PCDHA11: variants seen among roughly 807,000 people sequenced by gnomAD.
PCDHA11 encodes protocadherin alpha 11, also known as protocadherin alpha-11.
Under a neutral mutation model 70.3 loss-of-function variants are expected in PCDHA11, and 61 were observed. The ratio of observed to expected loss-of-function variants is 0.87; its 90% CI spans 0.71 to 1.07. The LOEUF is 1.07. Ranked by LOEUF, PCDHA11 falls within the 50% of genes least tolerant of loss-of-function variation. PCDHA11 has a pLI of 0.00. For synonymous variants in PCDHA11, 633 were observed against 555.1 expected (o/e 1.14, Z -1.97); for missense variants, 1,324 against 1,237.5 (o/e 1.07, Z -1.05).
At chr5:140,991,214 A>G (rs922136535) in intron 3 of PCDHA11, among the ~76,000 whole-genome samples, 4 of 152,202 alleles carry the variant, frequency 2.6e-5, no homozygotes, top group Non-Finnish European at 4.4e-5. Context: ...AATTTTGTTA[A>G]ATTCATTAAT....
At chr5:140,927,447 G>A (rs1563092229) in intron 1 of PCDHA11, 7 of 1,613,982 alleles carry the variant, frequency 4.3e-6, no homozygotes, top group Non-Finnish European at 5.1e-6. Flanking sequence ...ACCCGGAGTT[G>A]GTGTTGGAGA....
chr5:140,955,639 C>T (rs2095212239), intron 1 of PCDHA11, among the ~76,000 whole-genome samples: 1 of 152,088 alleles, frequency 6.6e-6, no homozygotes, highest in African/African-American at 2.4e-5. Flanking sequence ...AGTGTGAGAA[C>T]AAATTAATAC....
chr5:140,931,693 A>G (rs1001252056), intron 1 of PCDHA11, among the ~76,000 whole-genome samples: 1 of 152,004 alleles, frequency 6.6e-6, no homozygotes, highest in African/African-American at 2.4e-5. Context: ...ATTGTGATTC[A>G]TAAAACCATG....
At chr5:141,008,356 A>G (rs1440951671) in intron 3 of PCDHA11, among the ~76,000 whole-genome samples, 1 of 152,204 alleles carries the variant, frequency 6.6e-6, no homozygotes, top group Non-Finnish European at 1.5e-5. Context: ...CGTGTCAACC[A>G]AAGGAGCAGT....
At chr5:140,963,989 T>C (rs2095803669) in intron 1 of PCDHA11, among the ~76,000 whole-genome samples, 1 of 152,202 alleles carries the variant, frequency 6.6e-6, no homozygotes, top group Non-Finnish European at 1.5e-5. Flanking sequence ...ATATTCCTAA[T>C]TACTGTGTTC....
intron 1 of PCDHA11, among the ~76,000 whole-genome samples, chr5:140,890,854 T>G (rs1320462436): frequency 6.6e-6 from 1 of 152,232 alleles, no homozygotes; most frequent in Non-Finnish European, 1.5e-5. Context: ...TTTCTCTTCC[T>G]TACTTCTTGC....
intron 1 of PCDHA11, among the ~76,000 whole-genome samples, chr5:140,971,595 A>G (rs1228003229): frequency 6.6e-6 from 1 of 152,110 alleles, no homozygotes; most frequent in African/African-American, 2.4e-5. Flanking sequence ...CCTAGTTACT[A>G]CAGATGGCAG....
At chr5:140,982,589 T>C in intron 3 of PCDHA11, 26 bp downstream of exon 3, 1 of 1,610,940 alleles carries the variant, frequency 6.2e-7, no homozygotes, top group Non-Finnish European at 8.5e-7. Context: ...CTCTCCATTC[T>C]TTCTTGGTTT....
intron 1 of PCDHA11, among the ~76,000 whole-genome samples, chr5:140,941,255 C>CTTTCTTTCTTTCTT (rs782490896): frequency 4.1e-3 from 183 of 44,496 alleles, no homozygotes; most frequent in African/African-American, 4.7e-3. Context: ...TTCTTTCTTT[C>CTTTCTTTCTTTCTT]TCTTTCTTTC....
chr5:140,956,540 G>C (rs1356910892), intron 1 of PCDHA11, among the ~76,000 whole-genome samples: 1 of 152,186 alleles, frequency 6.6e-6, no homozygotes, highest in Non-Finnish European at 1.5e-5. Context: ...TGTGCTGCTG[G>C]ATTTGGTTTG....
At chr5:141,002,583 C>T (rs781898349) in intron 3 of PCDHA11, among the ~76,000 whole-genome samples, 6 of 152,176 alleles carry the variant, frequency 3.9e-5, no homozygotes, top group Non-Finnish European at 7.3e-5. Context: ...GACCATTAGT[C>T]CTTAGTCCCC....
intron 1 of PCDHA11, among the ~76,000 whole-genome samples, chr5:140,874,106 T>C (rs1554167018): frequency 1.3e-5 from 2 of 152,266 alleles, no homozygotes; most frequent in African/African-American, 4.8e-5. Flanking sequence ...TTTTAATTAC[T>C]TAACGTTTTA....
rs113486331 is a variant in PCDHA11, at chr5:140,935,958, T to C, written c.2392-42991T>C. ...CCCAGGCTGGAGTAAAGTGGTACAATCTTGGCTCACTGCAATCTCTGCCTC... is the reference window on the plus strand; with the variant it reads ...CCCAGGCTGGAGTAAAGTGGTACAACCTTGGCTCACTGCAATCTCTGCCTC... On this transcript the variant is annotated intron_variant, in intron 1 of 3. Coordinates refer to ENST00000398640, the MANE Select transcript of PCDHA11 (RefSeq NM_018902.5). Among the ~76,000 whole-genome samples the C allele has an allele frequency of 4.3e-3, 649 of 149,438 alleles. 7 individuals are homozygous for C. The highest frequency in any genetic ancestry group is 0.015 in the African/African-American group (604 of 40,738).
chr5:140,962,107 G>A (rs1010906038), intron 1 of PCDHA11, among the ~76,000 whole-genome samples: 20 of 151,860 alleles, frequency 1.3e-4, no homozygotes, highest in African/African-American at 4.4e-4. Flanking sequence ...GGATGGTCTC[G>A]ATCTCCTAAC....
intron 1 of PCDHA11, among the ~76,000 whole-genome samples, chr5:140,905,373 G>C (rs556428182): frequency 3.1e-4 from 47 of 152,236 alleles, no homozygotes; most frequent in Non-Finnish European, 4.6e-4. Context: ...CTGGTTCTCT[G>C]TTCTGTTTCA....
intron 3 of PCDHA11, among the ~76,000 whole-genome samples, chr5:140,988,231 A>G (rs2097289009): frequency 6.6e-6 from 1 of 152,150 alleles, no homozygotes. Context: ...TCAGGGATCT[A>G]TGTGAGTGGG....
intron 1 of PCDHA11, among the ~76,000 whole-genome samples, chr5:140,941,214 C>CCTTTCTTTCTTCCTTTCTTTCTTT (rs2092876516): frequency 2.3e-4 from 28 of 122,490 alleles, no homozygotes; most frequent in Middle Eastern, 4.2e-3. Context: ...TTTCTTTCTT[C>CCTTTCTTTCTTCCTTTCTTTCTTT]CTTTCTTTCT....
rs144072974 is a variant in PCDHA11 at position 140,938,897 on chromosome 5, G to GCA, written c.2392-40040_2392-40039dup. 1.4e-3 allele frequency among the ~76,000 whole-genome samples: 215 copies of GCA among 151,312 alleles called. 3 individuals carry two copies. The East Asian group carries it at 0.032, about 22-fold the overall frequency. Reference sequence around the variant, plus strand: ...AAGCAACACACACACACACAGATGCGCACACACACACACGCACAAGAAATT... The same window carrying GCA: ...AAGCAACACACACACACACAGATGCGCACACACACACACACGCACAAGAAATT... On this transcript the variant is annotated intron_variant, in intron 1 of 3. Coordinates refer to ENST00000398640, the MANE Select transcript of PCDHA11 (RefSeq NM_018902.5).
At chr5:140,978,851 C>T (rs2096826375) in intron 1 of PCDHA11, 98 bp from the exon 2 acceptor site, 2 of 1,578,528 alleles carry the variant, frequency 1.3e-6, no homozygotes, top group South Asian at 2.3e-5. Flanking sequence ...TTTTTAGATG[C>T]CTGGAAATAT....
Sources: allele counts gnomAD v4.1 joint callset (sites outside exome capture counted in the v4.1 genomes callset), GRCh38; gene constraint gnomAD v4.1.1; transcripts MANE v1.5; gene names NCBI Gene and HGNC (gene_info 2026-07-23, HGNC 2026-07-21).